Variants in CDH13 observed in about 807,000 individuals in gnomAD.
CDH13 encodes the protein cadherin-13.
Under a neutral mutation model 63.8 loss-of-function variants are expected in CDH13, and 24 were observed. The observed-to-expected ratio is 0.38, with a 90% CI of 0.27 to 0.53. The LOEUF (loss-of-function observed/expected upper bound fraction) is 0.53, where lower values mean the gene tolerates loss of function less well. CDH13 is among the 20% of genes least tolerant of loss of function. The pLI is 0.85. For synonymous variants in CDH13, 503 were observed against 355.3 expected (o/e 1.42, Z -4.67); for missense variants, 1,049 against 903.1 (o/e 1.16, Z -2.07).
chr16:83,522,097 C>A lies in CDH13; in HGVS notation c.960+35442C>A, dbSNP rs145073717. On this transcript the variant is annotated intron_variant, in intron 7 of 13. Coordinates refer to ENST00000567109, the MANE Select transcript of CDH13 (RefSeq NM_001257.5). ...CTGCAAATCCAGTTCTCCCCTGCTGCGCAGAGTGCAGGTCCAGCTCTCTGC... is the reference window on the plus strand; with the variant it reads ...CTGCAAATCCAGTTCTCCCCTGCTGAGCAGAGTGCAGGTCCAGCTCTCTGC... 7.9e-5 allele frequency among the ~76,000 whole-genome samples: 12 copies of A among 152,288 alleles called. 1 individual carries two copies. The highest frequency in any genetic ancestry group is 2.9e-4 in the African/African-American group (12 of 41,566).
chr16:83,719,368 T>C (rs1156941367), intron 10 of CDH13, among the ~76,000 whole-genome samples: 1 of 152,130 alleles, frequency 6.6e-6, no homozygotes, highest in East Asian at 1.9e-4. Flanking sequence ...GATCCCCCAC[T>C]GTCTCCAATT....
intron 1 of CDH13, among the ~76,000 whole-genome samples, chr16:82,771,534 G>A (rs980654395): frequency 2.0e-4 from 31 of 152,160 alleles, no homozygotes; most frequent in African/African-American, 7.5e-4. Context: ...CTTCCTCCCC[G>A]AAAGTGGAGA....
chr16:82,702,397 A>C (rs1190096000), intron 1 of CDH13, among the ~76,000 whole-genome samples: 3 of 152,192 alleles, frequency 2.0e-5, no homozygotes, highest in Non-Finnish European at 4.4e-5. Flanking sequence ...AGACACTGAC[A>C]GTGTGACAGC....
intron 6 of CDH13, among the ~76,000 whole-genome samples, chr16:83,357,333 A>T (rs541305984): frequency 6.6e-6 from 1 of 152,316 alleles, no homozygotes; most frequent in Admixed American, 6.5e-5. Context: ...GTGTGTACAT[A>T]TACGTGTGTA....
chr16:82,645,307 C>G (rs1597206714), intron 1 of CDH13, among the ~76,000 whole-genome samples: 1 of 152,186 alleles, frequency 6.6e-6, no homozygotes. Context: ...TTTTCAACTC[C>G]ATCCAGAATA....
intron 1 of CDH13, among the ~76,000 whole-genome samples, chr16:82,665,858 C>T (rs866070327): frequency 1.3e-5 from 2 of 152,234 alleles, no homozygotes; most frequent in East Asian, 3.9e-4. Context: ...ATACAAAGCC[C>T]ATTTTATAAT....
At chr16:82,976,043 C>A (rs1909458168) in intron 2 of CDH13, among the ~76,000 whole-genome samples, 1 of 152,124 alleles carries the variant, frequency 6.6e-6, no homozygotes, top group African/African-American at 2.4e-5. Flanking sequence ...AGATGAAAGC[C>A]CCTGGTCAGA....
chr16:83,661,206 G>T (rs1017543562), intron 8 of CDH13, among the ~76,000 whole-genome samples: 6 of 152,156 alleles, frequency 3.9e-5, no homozygotes, highest in African/African-American at 1.4e-4. Flanking sequence ...AAACATTCTT[G>T]CTGGACTCAG....
chr16:82,680,808 G>A (rs555493819), intron 1 of CDH13, among the ~76,000 whole-genome samples: 2 of 152,298 alleles, frequency 1.3e-5, no homozygotes, highest in East Asian at 3.9e-4. Flanking sequence ...GGAGAAGGGG[G>A]CCAATGGAAC....
At chr16:82,843,701 A>T (rs2039129188) in intron 1 of CDH13, among the ~76,000 whole-genome samples, 1 of 152,252 alleles carries the variant, frequency 6.6e-6, no homozygotes, top group Non-Finnish European at 1.5e-5. Flanking sequence ...TGTGATGACA[A>T]ATCTGACATC....
intron 7 of CDH13, among the ~76,000 whole-genome samples, chr16:83,519,681 A>T (rs1012328718): frequency 1.3e-5 from 2 of 152,204 alleles, no homozygotes; most frequent in Non-Finnish European, 1.5e-5. Flanking sequence ...TATAGAGCCT[A>T]AAATATTCTA....
intron 6 of CDH13, among the ~76,000 whole-genome samples, chr16:83,421,463 C>G (rs1220137789): frequency 6.6e-6 from 1 of 152,214 alleles, no homozygotes; most frequent in Non-Finnish European, 1.5e-5. Flanking sequence ...ATGTTGACTT[C>G]TTGTCCCTGT....
At chr16:83,172,544 A>T (rs1015109345) in intron 4 of CDH13, among the ~76,000 whole-genome samples, 3 of 151,910 alleles carry the variant, frequency 2.0e-5, no homozygotes, top group African/African-American at 4.8e-5. Flanking sequence ...AGGATGATAC[A>T]TCTATAAGCC....
At chr16:83,483,947 A>G (rs1485595911) in intron 6 of CDH13, among the ~76,000 whole-genome samples, 1 of 152,202 alleles carries the variant, frequency 6.6e-6, no homozygotes, top group African/African-American at 2.4e-5. Flanking sequence ...GGGGGGCTGC[A>G]TGGGCCAAGA....
At chr16:82,672,788 CACACACACACACAT>C (rs1219738452) in intron 1 of CDH13, among the ~76,000 whole-genome samples, 83 of 149,812 alleles carry the variant, frequency 5.5e-4, no homozygotes, top group Non-Finnish European at 9.6e-4. Flanking sequence ...CACACACACA[CACACACACACACAT>C]ACACACACAC....
intron 4 of CDH13, among the ~76,000 whole-genome samples, chr16:83,146,368 C>T (rs996783423): frequency 6.6e-6 from 1 of 152,210 alleles, no homozygotes; most frequent in Non-Finnish European, 1.5e-5. Context: ...GTTTGTCTGT[C>T]TCACATAGCA....
intron 4 of CDH13, among the ~76,000 whole-genome samples, chr16:83,177,810 C>T (rs1176278518): frequency 6.6e-6 from 1 of 152,182 alleles, no homozygotes; most frequent in Non-Finnish European, 1.5e-5. Context: ...ATTGTGTGCT[C>T]TCATGAAGCA....
At chr16:83,689,527 G>C (rs568808857) in intron 10 of CDH13, among the ~76,000 whole-genome samples, 1 of 152,332 alleles carries the variant, frequency 6.6e-6, no homozygotes, top group East Asian at 1.9e-4. Context: ...AGTGAGTCAT[G>C]TAACTAATTC....
At chr16:83,689,502 A>G in intron 10 of CDH13, among the ~76,000 whole-genome samples, 1 of 152,048 alleles carries the variant, frequency 6.6e-6, no homozygotes, top group South Asian at 2.1e-4. Flanking sequence ...TAACACGGGT[A>G]ATGAAACCAC....
Sources: allele counts gnomAD v4.1 joint callset (sites outside exome capture counted in the v4.1 genomes callset), GRCh38; gene constraint gnomAD v4.1.1; transcripts MANE v1.5; gene names NCBI Gene and HGNC (gene_info 2026-07-23, HGNC 2026-07-21).